SLC25A17: variants seen among roughly 807,000 people sequenced by gnomAD.
SLC25A17 encodes peroxisomal membrane protein PMP34.
In SLC25A17, 26 loss-of-function variants were observed where a neutral mutation model predicts 38.5. The ratio of observed to expected loss-of-function variants is 0.68; its 90% CI spans 0.50 to 0.94. SLC25A17 has a LOEUF of 0.94. SLC25A17 is among the 40% of genes least tolerant of loss of function. The pLI, the probability that SLC25A17 is intolerant of heterozygous loss-of-function variation, is 0.00. For synonymous variants in SLC25A17, 139 were observed against 136.2 expected (o/e 1.02, Z -0.14); for missense variants, 333 against 372.7 (o/e 0.89, Z 0.88).
At chr22:40,782,905 G>A (rs890321817) in intron 4 of SLC25A17, among the ~76,000 whole-genome samples, 1 of 152,064 alleles carries the variant, frequency 6.6e-6, no homozygotes, top group Admixed American at 6.6e-5. Context: ...AGCTTTATAG[G>A]CTTGTTTTTC....
At chr22:40,800,437 C>T (rs187895900) in intron 1 of SLC25A17, among the ~76,000 whole-genome samples, 6 of 152,270 alleles carry the variant, frequency 3.9e-5, no homozygotes, top group Admixed American at 2.6e-4. Context: ...CTTGCTATGT[C>T]ATCTAGGCTC....
intron 5 of SLC25A17, among the ~76,000 whole-genome samples, chr22:40,777,928 G>A (rs925566693): frequency 6.6e-5 from 10 of 152,020 alleles, no homozygotes; most frequent in African/African-American, 1.9e-4. Context: ...CCTGATGATC[G>A]AATCCTCCTA....
chr22:40,783,462 G>C (rs75997665), intron 4 of SLC25A17, among the ~76,000 whole-genome samples: 16 of 152,176 alleles, frequency 1.1e-4, no homozygotes, highest in African/African-American at 3.4e-4. Flanking sequence ...TTTCACACCT[G>C]TTTTATTCCA....
intron 4 of SLC25A17, among the ~76,000 whole-genome samples, chr22:40,784,144 A>T (rs945939191): frequency 6.6e-6 from 1 of 152,114 alleles, no homozygotes; most frequent in Non-Finnish European, 1.5e-5. Context: ...CTTCATGAGG[A>T]CAGAGATTTT....
intron 4 of SLC25A17, among the ~76,000 whole-genome samples, chr22:40,791,057 G>C (rs2057381420): frequency 1.3e-5 from 2 of 152,162 alleles, no homozygotes; most frequent in African/African-American, 4.8e-5. Flanking sequence ...GGGTTCATGA[G>C]GAAGACCTCA....
chr22:40,770,801 G>A lies in SLC25A17; in HGVS notation c.*33C>T, dbSNP rs773703824. 1.3e-6 allele frequency: 2 copies of A among 1,578,312 alleles called. No individual in the cohort carries two copies. Among genetic ancestry groups the A allele is most frequent in the Admixed American group, 3.5e-5 (2 of 57,338 alleles). ...TCACTCAGGAGGAAACCTCCCTCTTGAGCATCTTCGGAATTTTTCATGGGA... is the reference window on the plus strand; with the variant it reads ...TCACTCAGGAGGAAACCTCCCTCTTAAGCATCTTCGGAATTTTTCATGGGA... On this transcript the variant is annotated 3_prime_UTR_variant, in exon 9 of 9. Coordinates refer to ENST00000435456, the MANE Select transcript of SLC25A17 (RefSeq NM_006358.4).
chr22:40,777,413 A>G, intron 5 of SLC25A17, 40 bp from the exon 6 acceptor site: 2 of 1,592,718 alleles, frequency 1.3e-6, no homozygotes, highest in Non-Finnish European at 1.7e-6. Flanking sequence ...GCATGATCAC[A>G]ATCCCCCAAC....
chr22:40,784,071 T>C (rs1483442079), intron 4 of SLC25A17, among the ~76,000 whole-genome samples: 1 of 152,194 alleles, frequency 6.6e-6, no homozygotes, highest in African/African-American at 2.4e-5. Context: ...TCTGTAACCT[T>C]ATCCTCTAAC....
intron 4 of SLC25A17, among the ~76,000 whole-genome samples, chr22:40,790,494 GA>G (rs1358878007): frequency 6.6e-6 from 1 of 150,986 alleles, no homozygotes; most frequent in Admixed American, 6.6e-5. Context: ...CATGAGCCCT[GA>G]AAAAAAAATT....
chr22:40,772,196 A>G (rs1279341247), intron 8 of SLC25A17, among the ~76,000 whole-genome samples: 1 of 152,214 alleles, frequency 6.6e-6, no homozygotes. Context: ...GTACCATTCT[A>G]TATTCCCACC....
intron 2 of SLC25A17, among the ~76,000 whole-genome samples, chr22:40,795,886 C>T (rs1273347604): frequency 6.6e-6 from 1 of 152,086 alleles, no homozygotes; most frequent in Admixed American, 6.6e-5. Context: ...CTTCTGGGTG[C>T]AAGCAATTCT....
At chr22:40,804,073 T>C (rs902912630) in intron 1 of SLC25A17, among the ~76,000 whole-genome samples, 1 of 152,138 alleles carries the variant, frequency 6.6e-6, no homozygotes, top group Non-Finnish European at 1.5e-5. Flanking sequence ...GCACACTGGG[T>C]TCTGCTTTCC....
At chr22:40,807,643 G>A (rs1185352435) in intron 1 of SLC25A17, among the ~76,000 whole-genome samples, 2 of 152,062 alleles carry the variant, frequency 1.3e-5, no homozygotes, top group Admixed American at 1.3e-4. Context: ...CAGCTACTCA[G>A]GAGGCTGAGG....
intron 3 of SLC25A17, 123 bp downstream of exon 3, chr22:40,794,391 G>A (rs758848184): frequency 7.9e-5 from 45 of 572,742 alleles, no homozygotes; most frequent in Non-Finnish European, 1.4e-4. Context: ...TATAAATCAG[G>A]CAATTCCAAA....
intron 1 of SLC25A17, among the ~76,000 whole-genome samples, chr22:40,817,709 C>T (rs963435093): frequency 1.3e-5 from 2 of 152,140 alleles, no homozygotes; most frequent in Non-Finnish European, 1.5e-5. Flanking sequence ...GTCCCCTGTT[C>T]CCTTACATTC....
intron 1 of SLC25A17, among the ~76,000 whole-genome samples, chr22:40,799,943 C>T (rs2057466747): frequency 6.6e-6 from 1 of 152,200 alleles, no homozygotes; most frequent in South Asian, 2.1e-4. Flanking sequence ...TAACCTTCTA[C>T]AGGTCAGTTT....
chr22:40,794,209 A>G (rs1482121219), intron 3 of SLC25A17, among the ~76,000 whole-genome samples: 1 of 152,232 alleles, frequency 6.6e-6, no homozygotes, highest in Non-Finnish European at 1.5e-5. Context: ...AATGAACTAA[A>G]CAACTATTAT....
At chr22:40,812,261 T>C (rs1430208998) in intron 1 of SLC25A17, among the ~76,000 whole-genome samples, 1 of 152,000 alleles carries the variant, frequency 6.6e-6, no homozygotes, top group Non-Finnish European at 1.5e-5. Context: ...AAAAAAAAGA[T>C]GGTTTATTCA....
intron 7 of SLC25A17, chr22:40,776,063 C>T: frequency 1.8e-5 from 5 of 272,900 alleles, no homozygotes; most frequent in South Asian, 1.8e-4. Context: ...TTAAATATTC[C>T]TTCTCAAAGA....
Sources: allele counts gnomAD v4.1 joint callset (sites outside exome capture counted in the v4.1 genomes callset), GRCh38; gene constraint gnomAD v4.1.1; transcripts MANE v1.5; gene names NCBI Gene and HGNC (gene_info 2026-07-23, HGNC 2026-07-21).